RICTOR: variants seen among roughly 807,000 people sequenced by gnomAD.
The protein encoded by RICTOR is RPTOR independent companion of MTOR complex 2, also known as rapamycin-insensitive companion of mTOR.
RICTOR carries 49 observed loss-of-function variants against 214.9 expected under a neutral mutation model. The ratio of observed to expected loss-of-function variants is 0.23; its 90% confidence interval spans 0.18 to 0.29. The LOEUF is 0.29. Among genes scored for constraint, RICTOR ranks in the 10% least tolerant of loss-of-function variants. The pLI is 1.00. For missense variants in RICTOR, 1,625 were observed against 2,047.0 expected (o/e 0.79, Z 3.98); for synonymous variants, 717 against 711.3 (o/e 1.01, Z -0.13).
At chr5:39,036,835 C>G (rs1010337942) in intron 2 of RICTOR, among the ~76,000 whole-genome samples, 2 of 152,130 alleles carry the variant, frequency 1.3e-5, no homozygotes, top group African/African-American at 4.8e-5. Flanking sequence ...TGGAGACCTA[C>G]AAAGAGACTT....
chr5:39,035,644 A>C (rs374740511), intron 2 of RICTOR, among the ~76,000 whole-genome samples: 1 of 152,380 alleles, frequency 6.6e-6, no homozygotes, highest in East Asian at 1.9e-4. Context: ...GATGGAGCTG[A>C]AAACCACGGC....
chr5:38,970,751 T>C (rs1478687997), intron 11 of RICTOR: 3 of 152,224 alleles, frequency 2.0e-5, no homozygotes, highest in Admixed American at 1.3e-4. Context: ...AACTGTATAA[T>C]ACAAATTCTT....
chr5:39,062,248 T>C (rs1310833329), intron 2 of RICTOR, among the ~76,000 whole-genome samples: 1 of 152,062 alleles, frequency 6.6e-6, no homozygotes, highest in Non-Finnish European at 1.5e-5. Flanking sequence ...TTATAACACA[T>C]ACACTGAACA....
At position 38,939,426 on chromosome 5, in the gene RICTOR, G is replaced by GA. The variant is rs1308878206; in HGVS notation, c.*2877dup. The GA allele has an allele frequency of 4.3e-6, 1 of 231,868 alleles. No individual in the cohort carries two copies. The highest frequency in any genetic ancestry group is 2.2e-5 in the African/African-American group (1 of 45,254). The allele number at this position is 231,868 out of a possible 1,614,324, so 14.4% of individuals were successfully genotyped here. A position where few individuals can be genotyped will look rare whatever the true frequency, so the allele number is the denominator to read the frequency against. ...GTCCATATTCTACTAATCGTTATTA[G>GA]AAAAAATTTAATTAGGGAGAACAGA... On this transcript the variant is annotated 3_prime_UTR_variant, in exon 38 of 38. Coordinates refer to ENST00000357387, the MANE Select transcript of RICTOR (RefSeq NM_152756.5).
intron 7 of RICTOR, among the ~76,000 whole-genome samples, chr5:38,990,740 T>TATCTGATATATATTAG (rs1183959172): frequency 1.0e-5 from 1 of 99,962 alleles, no homozygotes; most frequent in African/African-American, 3.5e-5. Flanking sequence ...ATATATGATA[T>TATCTGATATATATTAG]ATATGAGATA....
chr5:38,979,987 T>C (rs1181648858), intron 8 of RICTOR, among the ~76,000 whole-genome samples: 1 of 152,224 alleles, frequency 6.6e-6, no homozygotes, highest in Non-Finnish European at 1.5e-5. Flanking sequence ...GATATTTTTA[T>C]TGACTTCTCT....
chr5:39,013,757 G>A (rs1040902484), intron 3 of RICTOR, among the ~76,000 whole-genome samples: 1 of 152,038 alleles, frequency 6.6e-6, no homozygotes, highest in African/African-American at 2.4e-5. Flanking sequence ...TATAGAAAAG[G>A]AAAGCATGCT....
chr5:39,005,241 C>T (rs1753960873), intron 3 of RICTOR, among the ~76,000 whole-genome samples: 2 of 152,114 alleles, frequency 1.3e-5, no homozygotes, highest in Admixed American at 1.3e-4. Context: ...TTGAAAAATT[C>T]TATACAATAT....
At chr5:38,997,715 G>GA (rs1353576694) in intron 5 of RICTOR, among the ~76,000 whole-genome samples, 1 of 152,018 alleles carries the variant, frequency 6.6e-6, no homozygotes, top group Non-Finnish European at 1.5e-5. Context: ...AATAATCCCT[G>GA]AAAAAAGAAG....
At chr5:39,047,004 T>G (rs1176790667) in intron 2 of RICTOR, among the ~76,000 whole-genome samples, 1 of 152,208 alleles carries the variant, frequency 6.6e-6, no homozygotes, top group Admixed American at 6.5e-5. Flanking sequence ...TCAGTCTGTA[T>G]GTTTTGTGGT....
chr5:38,945,513 CAGTT>C lies in RICTOR; in HGVS notation c.4607_4610del (p.Gln1536ArgfsTer27), dbSNP rs1390116297. The stretch of plus-strand genomic sequence containing the variant: ...TACCTGAATGACTACATATTGCACT[CAGTT>C]GGTTGCTGGGCTGGAAACCCAGAAT... On this transcript the variant is annotated frameshift_variant, in exon 34 of 38. Coordinates refer to ENST00000357387, the MANE Select transcript of RICTOR (RefSeq NM_152756.5). LOFTEE classifies it high-confidence loss of function. The C allele has an allele frequency of 2.5e-6, 4 of 1,613,086 alleles. No homozygotes were observed. The highest frequency in any genetic ancestry group is 3.4e-6 in the Non-Finnish European group (4 of 1,179,076).
chr5:39,007,187 T>A (rs368841510), intron 3 of RICTOR, among the ~76,000 whole-genome samples: 2 of 152,216 alleles, frequency 1.3e-5, no homozygotes, highest in African/African-American at 4.8e-5. Context: ...ATAACATATG[T>A]CACAGACTGG....
At chr5:38,977,194 T>C (rs1048328431) in intron 9 of RICTOR, among the ~76,000 whole-genome samples, 1 of 152,166 alleles carries the variant, frequency 6.6e-6, no homozygotes, top group African/African-American at 2.4e-5. Flanking sequence ...GAAAAAGGCA[T>C]AGCAGTTGTA....
chr5:39,045,489 T>C (rs1757425997), intron 2 of RICTOR, among the ~76,000 whole-genome samples: 1 of 152,170 alleles, frequency 6.6e-6, no homozygotes, highest in Non-Finnish European at 1.5e-5. Flanking sequence ...TTTACAAAGA[T>C]ACTTGTAAAA....
intron 11 of RICTOR, chr5:38,970,168 T>G (rs1750662723): frequency 6.6e-6 from 1 of 152,194 alleles, no homozygotes. Flanking sequence ...GTGTAAGTAC[T>G]CTGGGATGTT....
chr5:39,032,168 A>T (rs1756323603), intron 2 of RICTOR, among the ~76,000 whole-genome samples: 1 of 152,130 alleles, frequency 6.6e-6, no homozygotes, highest in African/African-American at 2.4e-5. Context: ...GAAAAATAGA[A>T]CATTTTTTCT....
At position 38,942,118 on chromosome 5, in the gene RICTOR, G is replaced by C; in HGVS notation, c.*186C>G. On this transcript the variant is annotated 3_prime_UTR_variant, in exon 38 of 38. Transcript: ENST00000357387. Reference sequence around the variant, plus strand: ...ACCCCTCAAAAGGCTCAACAAAGGAGAGAAGGAAGTTGTTTTGGTTAGGAA... The same window carrying C: ...ACCCCTCAAAAGGCTCAACAAAGGACAGAAGGAAGTTGTTTTGGTTAGGAA... 2 of 413,914 alleles carry C rather than the reference G, an allele frequency of 4.8e-6. No individual in the cohort carries two copies. Among genetic ancestry groups the C allele is most frequent in the Non-Finnish European group, 8.8e-6 (2 of 226,288 alleles). The allele number at this position is 413,914 out of a possible 1,614,324, so 25.6% of individuals were successfully genotyped here.
At chr5:38,992,081 G>C (rs1752825890) in intron 6 of RICTOR, among the ~76,000 whole-genome samples, 1 of 152,110 alleles carries the variant, frequency 6.6e-6, no homozygotes, top group South Asian at 2.1e-4. Context: ...TTGATCAGTA[G>C]TTGTAAGTGG....
chr5:39,003,957 A>G (rs954689562), intron 3 of RICTOR, among the ~76,000 whole-genome samples: 7 of 152,196 alleles, frequency 4.6e-5, no homozygotes, highest in African/African-American at 1.7e-4. Context: ...CTTATCTAAC[A>G]AAAAGTATCA....
Sources: allele counts gnomAD v4.1 joint callset (sites outside exome capture counted in the v4.1 genomes callset), GRCh38; gene constraint gnomAD v4.1.1; transcripts MANE v1.5; gene names NCBI Gene and HGNC (gene_info 2026-07-23, HGNC 2026-07-21).